The following PCDH10 variants were observed in gnomAD, a reference collection of about 807,000 sequenced individuals.
PCDH10 encodes the protein protocadherin 10.
PCDH10 carries 15 observed loss-of-function variants against 74.4 expected under a neutral mutation model. The ratio of observed to expected loss-of-function variants is 0.20; its 90% CI spans 0.13 to 0.31. The LOEUF (loss-of-function observed/expected upper bound fraction) is 0.31. PCDH10 is among the 10% of genes least tolerant of loss of function. The probability of loss-of-function intolerance (pLI) is 1.00; values close to 1 mark genes in which losing one functional copy is unlikely to be tolerated. For missense variants in PCDH10, 1,260 were observed against 1,390.2 expected (o/e 0.91, Z 1.49); for synonymous variants, 619 against 589.8 (o/e 1.05, Z -0.72).
At chr4:133,154,185 C>T in intron 1 of PCDH10, 122 bp from the exon 2 acceptor site, 1 of 669,400 alleles carries the variant, frequency 1.5e-6, no homozygotes, top group Non-Finnish European at 2.6e-6. Context: ...TTTAGGAGAG[C>T]TTGGAAATTC....
At chr4:133,173,698 T>A (rs1217576681) in intron 4 of PCDH10, among the ~76,000 whole-genome samples, 1 of 150,502 alleles carries the variant, frequency 6.6e-6, no homozygotes, top group African/African-American at 2.4e-5. Flanking sequence ...TTCTTTGGAA[T>A]TTTTTAGAGG....
intron 3 of PCDH10, among the ~76,000 whole-genome samples, chr4:133,161,012 A>C (rs1170578929): frequency 1.3e-5 from 2 of 152,046 alleles, no homozygotes; most frequent in Non-Finnish European, 2.9e-5. Flanking sequence ...TGTATCAGGG[A>C]CATTCTAGTT....
chr4:133,183,246 GTAGTTGACA>G (rs1375498199), intron 4 of PCDH10, among the ~76,000 whole-genome samples: 3 of 152,046 alleles, frequency 2.0e-5, no homozygotes, highest in African/African-American at 7.2e-5. Flanking sequence ...AATATGAGAG[GTAGTTGACA>G]TAGTTGCAGT....
rs1241328145 is a variant in PCDH10, at chr4:133,191,007, A to G, written c.*847A>G. The G allele has an allele frequency of 1.3e-5, 2 of 152,352 alleles. No homozygotes were observed. Among genetic ancestry groups the G allele is most frequent in the East Asian group, 3.9e-4 (2 of 5,186 alleles). 9.4% of individuals were successfully genotyped at this position (152,352 alleles called of 1,614,324 possible). ...GTCAAAAACTCATATTGAATTTTCAATGCCAAAGATGTAGCTATTGATGTT... is the reference window on the plus strand; with the variant it reads ...GTCAAAAACTCATATTGAATTTTCAGTGCCAAAGATGTAGCTATTGATGTT... On this transcript the variant is annotated 3_prime_UTR_variant, in exon 5 of 5. Coordinates refer to ENST00000264360, the MANE Select transcript of PCDH10 (RefSeq NM_032961.3).
rs200419038 is a variant in PCDH10, at chr4:133,199,787, CTAT to C, written n.438-8266_438-8264del. On this transcript the variant is annotated intron_variant and non_coding_transcript_variant, in intron 2 of 2. Coordinates refer to the PCDH10 transcript ENST00000511112. ...ATTATTATTATTATTATTATTATTA[CTAT>C]TATTATTATTATTATTATTATTTTC... is the stretch of plus-strand genomic sequence containing the variant. Among the ~76,000 whole-genome samples the C allele has an allele frequency of 1.5e-3, 198 of 135,690 alleles. 1 individual carries two copies. The highest frequency in any genetic ancestry group is 2.0e-3 in the Non-Finnish European group (127 of 64,700). 89.0% of individuals were successfully genotyped at this position (135,690 alleles called of 152,430 possible).
chr4:133,194,587 T>A lies in PCDH10; in HGVS notation c.*4427T>A, dbSNP rs565971269. On this transcript the variant is annotated 3_prime_UTR_variant, in exon 5 of 5. Coordinates refer to ENST00000264360, the MANE Select transcript of PCDH10 (RefSeq NM_032961.3). Reference sequence around the variant, plus strand: ...TTTATACTGCTGTATACATATGAAATAAATAAAACTAGGATACATATTATG... The same window carrying A: ...TTTATACTGCTGTATACATATGAAAAAAATAAAACTAGGATACATATTATG... 6.6e-6 allele frequency: 1 copy of A among 152,066 alleles called. No individual in the cohort carries two copies. Among genetic ancestry groups the A allele is most frequent in the East Asian group, 1.9e-4 (1 of 5,186 alleles). The allele number at this position is 152,066 out of a possible 1,614,324, so 9.4% of individuals were successfully genotyped here. A position where few individuals can be genotyped will look rare whatever the true frequency, so the allele number is the denominator to read the frequency against.
At chr4:133,184,598 A>G (rs1422476827) in intron 4 of PCDH10, among the ~76,000 whole-genome samples, 3 of 150,962 alleles carry the variant, frequency 2.0e-5, no homozygotes, top group Non-Finnish European at 4.4e-5. Flanking sequence ...ACACCAGAGC[A>G]AGACTGTGTC....
intron 1 of PCDH10, chr4:133,153,153 CGT>C: frequency 8.5e-7 from 1 of 1,176,846 alleles, no homozygotes; most frequent in South Asian, 3.1e-5. Flanking sequence ...TTTTTCTTTG[CGT>C]CTGTCCCAGG....
chr4:133,178,435 C>T (rs1158272172), intron 4 of PCDH10, among the ~76,000 whole-genome samples: 1 of 151,942 alleles, frequency 6.6e-6, no homozygotes, highest in African/African-American at 2.4e-5. Context: ...GGGGTTTCTC[C>T]ATGTTGGTCA....
chr4:133,200,711 T>A (rs1312558559), intron 2 of PCDH10, among the ~76,000 whole-genome samples: 3 of 152,114 alleles, frequency 2.0e-5, no homozygotes, highest in Non-Finnish European at 4.4e-5. Flanking sequence ...CAAATATAAG[T>A]CAACTCATGG....
Position 133,149,990 on chromosome 4 carries a change from G to T in PCDH10, c.-151G>T. On this transcript the variant is annotated 5_prime_UTR_variant, in exon 1 of 5. It introduces an in-frame stop codon into an upstream open reading frame of the 5' UTR. Coordinates refer to ENST00000264360, the MANE Select transcript of PCDH10 (RefSeq NM_032961.3). ...GGGAAGCTCTAAAATGAAGCAAAAG[G>T]AGTAAGATTTTTAAAGACAGAAAGC... The T allele has an allele frequency of 1.8e-6, 2 of 1,132,848 alleles. No homozygotes were observed. Among genetic ancestry groups the T allele is most frequent in the East Asian group, 2.7e-5 (1 of 37,710 alleles). The allele number at this position is 1,132,848 out of a possible 1,614,324, so 70.2% of individuals were successfully genotyped here. A position where few individuals can be genotyped will look rare whatever the true frequency, so the allele number is the denominator to read the frequency against.
At chr4:133,167,432 C>T (rs1727109120) in intron 4 of PCDH10, among the ~76,000 whole-genome samples, 1 of 151,428 alleles carries the variant, frequency 6.6e-6, no homozygotes, top group South Asian at 2.1e-4. Flanking sequence ...TACACATTAC[C>T]TTCATACTTA....
Position 133,149,298 on chromosome 4 carries a change from A to C in PCDH10, c.-843A>C, listed in dbSNP as rs1327730780. ...GAAGCCGAGCGCTCGGAGCTCAGAA[A>C]CTGCCAGCCCAGACCACAGGCTCAG... On this transcript the variant is annotated 5_prime_UTR_variant, in exon 1 of 5. Transcript: ENST00000264360. The C allele has an allele frequency of 6.6e-6, 1 of 152,594 alleles. No individual in the cohort carries two copies. The highest frequency in any genetic ancestry group is 2.1e-4 in the South Asian group (1 of 4,838). 9.5% of individuals were successfully genotyped at this position (152,594 alleles called of 1,614,324 possible). A position where few individuals can be genotyped will look rare whatever the true frequency, so the allele number is the denominator to read the frequency against.
At position 133,152,327 on chromosome 4, in the gene PCDH10, C is replaced by G. The variant is rs2125858910; in HGVS notation, c.2187C>G (p.Phe729Leu). 6.2e-7 allele frequency: 1 copy of G among 1,614,198 alleles called. No individual in the cohort carries two copies. The highest frequency in any genetic ancestry group is 1.1e-5 in the South Asian group (1 of 91,082). Residue 729 changes from phenylalanine (F) to leucine (L), a missense_variant, in exon 1 of 5, where the codon TTC becomes TTG. Around this residue, in one of 11 missense-constraint regions of PCDH10, gnomAD observed 587 missense variants for 616.9 expected, o/e 0.95. Coordinates refer to ENST00000264360, the MANE Select transcript of PCDH10 (RefSeq NM_032961.3). ...CGTTGGGCTCGGTGTCCTTCATCTT[C>G]CTGCTGGCCATGATCGTGCTGGCCG... ...IIALGSVSFI[F>L]LLAMIVLAVR...
rs781393726 is a variant in PCDH10, at chr4:133,163,264, T to G, written c.3085T>G (p.Tyr1029Asp). 6.2e-7 allele frequency: 1 copy of G among 1,611,846 alleles called. No individual in the cohort carries two copies. The highest frequency in any genetic ancestry group is 1.7e-5 in the Admixed American group (1 of 59,740). Reference sequence around the variant, plus strand: ...ACTGCTGACTAATACGCGAGCGCCTTACAAACCACCATATTTGAGTAAGTA... The same window carrying G: ...ACTGCTGACTAATACGCGAGCGCCTGACAAACCACCATATTTGAGTAAGTA... ...DGLLTNTRAP[Y>D]KPPYLTRKRI... The change falls in exon 4 of 5, where the codon TAC (tyrosine) becomes GAC (aspartate). Residue 1029 changes from tyrosine to aspartate, a missense_variant. By Grantham distance (160) the Tyr-to-Asp change is radical. Coordinates refer to ENST00000264360, the MANE Select transcript of PCDH10 (RefSeq NM_032961.3).
chr4:133,164,837 A>G (rs1304641896), intron 4 of PCDH10, among the ~76,000 whole-genome samples: 2 of 150,928 alleles, frequency 1.3e-5, no homozygotes, highest in African/African-American at 4.8e-5. Context: ...TAGAAATCTG[A>G]TTCAGGGATT....
At chr4:133,196,669 T>C (rs572504775), downstream of PCDH10, among the ~76,000 whole-genome samples, 25 of 152,340 alleles carry the variant, frequency 1.6e-4, no homozygotes, top group African/African-American at 5.5e-4. Context: ...GGGAAAGGGC[T>C]GTTATCATCT....
chr4:133,153,337 G>T (rs1223668513), intron 1 of PCDH10: 4 of 853,706 alleles, frequency 4.7e-6, no homozygotes, highest in Non-Finnish European at 4.3e-6. Context: ...AAAGCCTTCA[G>T]TTCGGCTCTG....
chr4:133,152,474 C>CAAG lies in PCDH10; in HGVS notation c.2340_2342dup (p.Lys781dup). 1.9e-6 allele frequency: 3 copies of CAAG among 1,614,116 alleles called. No homozygotes were observed. Among genetic ancestry groups the CAAG allele is most frequent in the Non-Finnish European group, 2.5e-6 (3 of 1,179,996 alleles). ...GCTGTGGCCGCCAAGCCCGGGCGCG[C>CAAG]AAGAAGAAACTCAGCAAGTCAGACA... is the stretch of plus-strand genomic sequence containing the variant. On this transcript the variant is annotated inframe_insertion, in exon 1 of 5. Coordinates refer to ENST00000264360, the MANE Select transcript of PCDH10 (RefSeq NM_032961.3).
Sources: allele counts gnomAD v4.1 joint callset (sites outside exome capture counted in the v4.1 genomes callset), GRCh38; gene constraint gnomAD v4.1.1; regional missense constraint gnomAD v4.1.1; transcripts MANE v1.5; gene names NCBI Gene and HGNC (gene_info 2026-07-23, HGNC 2026-07-21).